Variants in KCNMA1 observed in about 807,000 individuals in gnomAD.
KCNMA1 encodes the protein potassium calcium-activated channel subfamily M alpha 1, also known as Calcium-activated potassium channel subunit alpha-1.
KCNMA1 carries 29 observed loss-of-function variants against 140.0 expected under a neutral mutation model. The observed-to-expected ratio is 0.21, with a 90% CI of 0.15 to 0.28. KCNMA1 has a LOEUF of 0.28. KCNMA1 is among the 10% of genes least tolerant of loss of function. KCNMA1 has a pLI of 1.00. For missense variants in KCNMA1, 880 were observed against 1,602.2 expected (o/e 0.55, Z 7.70); for synonymous variants, 612 against 611.9 (o/e 1.00, Z 0.00).
At chr10:77,245,090 C>A (rs2058255897) in intron 3 of KCNMA1, among the ~76,000 whole-genome samples, 1 of 150,930 alleles carries the variant, frequency 6.6e-6, no homozygotes, top group Admixed American at 6.6e-5. Flanking sequence ...AAAAAAAAAA[C>A]AGGGAGGTGC....
chr10:77,357,651 G>T (rs1391806619), intron 2 of KCNMA1, among the ~76,000 whole-genome samples: 1 of 152,182 alleles, frequency 6.6e-6, no homozygotes, highest in African/African-American at 2.4e-5. Flanking sequence ...AATTTCCCAT[G>T]AGACGCAATA....
At chr10:77,202,654 T>G (rs2042836100) in intron 3 of KCNMA1, among the ~76,000 whole-genome samples, 1 of 152,158 alleles carries the variant, frequency 6.6e-6, no homozygotes, top group South Asian at 2.1e-4. Context: ...CTGAAAAGGC[T>G]TCAAGAATGA....
intron 23 of KCNMA1, among the ~76,000 whole-genome samples, chr10:76,926,300 T>C (rs2057673166): frequency 6.6e-6 from 1 of 152,192 alleles, no homozygotes; most frequent in African/African-American, 2.4e-5. Flanking sequence ...CTCTTTCTGT[T>C]TCTAATTTGT....
intron 6 of KCNMA1, among the ~76,000 whole-genome samples, chr10:77,117,327 T>C (rs573104520): frequency 6.6e-6 from 1 of 151,868 alleles, no homozygotes; most frequent in Non-Finnish European, 1.5e-5. Flanking sequence ...AGTGGGCAGA[T>C]CACCTGAGGT....
intron 1 of KCNMA1, among the ~76,000 whole-genome samples, chr10:77,417,327 C>A (rs1313533990): frequency 7.6e-6 from 1 of 131,048 alleles, no homozygotes; most frequent in Non-Finnish European, 1.7e-5. Context: ...ACCTTTTATG[C>A]CCAAAGTGTT....
At chr10:77,477,085 C>T (rs913235070) in intron 1 of KCNMA1, among the ~76,000 whole-genome samples, 2 of 152,208 alleles carry the variant, frequency 1.3e-5, no homozygotes, top group South Asian at 2.1e-4. Flanking sequence ...AGCTGCATGA[C>T]TTGCCTCCTG....
chr10:77,227,529 T>C (rs1357824362), intron 3 of KCNMA1, among the ~76,000 whole-genome samples: 1 of 152,236 alleles, frequency 6.6e-6, no homozygotes. Context: ...AGTACTTCAT[T>C]ATTATACCAA....
At position 76,966,958 on chromosome 10, in the gene KCNMA1, C is replaced by G. The variant is rs546088698; in HGVS notation, c.2360+3016G>C. Among the ~76,000 whole-genome samples, 48 of 152,264 alleles carry G rather than the reference C, an allele frequency of 3.2e-4. No homozygotes were observed. In the South Asian group the frequency reaches 9.9e-3, roughly 32 times the overall value. The stretch of plus-strand genomic sequence containing the variant: ...AAAACAAGGCTGTTCACCTAATGAT[C>G]GTGCAGAGTTAAGTGACACTTAAAC... On this transcript the variant is annotated intron_variant, in intron 20 of 27. Coordinates refer to ENST00000286628, the MANE Select transcript of KCNMA1 (RefSeq NM_001161352.2).
At chr10:77,404,633 A>T (rs1424131418) in intron 1 of KCNMA1, among the ~76,000 whole-genome samples, 1 of 152,178 alleles carries the variant, frequency 6.6e-6, no homozygotes, top group Non-Finnish European at 1.5e-5. Context: ...AGGAGGGAGG[A>T]GGAAAGTGTG....
intron 2 of KCNMA1, among the ~76,000 whole-genome samples, chr10:77,293,142 G>A (rs1282512607): frequency 6.6e-6 from 1 of 152,168 alleles, no homozygotes; most frequent in Non-Finnish European, 1.5e-5. Flanking sequence ...TCTGAGCAAT[G>A]GGGGATGTGT....
At chr10:76,974,979 G>A (rs1376505207) in intron 19 of KCNMA1, among the ~76,000 whole-genome samples, 2 of 152,178 alleles carry the variant, frequency 1.3e-5, no homozygotes. Flanking sequence ...AATCCTTGGT[G>A]ATAAACTTTT....
At chr10:76,903,269 T>C (rs534507426) in intron 25 of KCNMA1, 2 of 152,386 alleles carry the variant, frequency 1.3e-5, no homozygotes, top group Admixed American at 1.3e-4. Context: ...ATTGGTCTTT[T>C]ATAGAAAATT....
chr10:77,329,017 T>C (rs979990767), intron 2 of KCNMA1, among the ~76,000 whole-genome samples: 3 of 152,038 alleles, frequency 2.0e-5, no homozygotes, highest in African/African-American at 7.2e-5. Flanking sequence ...ATTTTTTGTA[T>C]TTTTAGTATG....
At chr10:77,267,027 G>A (rs1392125672) in intron 2 of KCNMA1, among the ~76,000 whole-genome samples, 1 of 152,128 alleles carries the variant, frequency 6.6e-6, no homozygotes, top group Non-Finnish European at 1.5e-5. Context: ...TGAATTAGGA[G>A]GACTCTCCAG....
At chr10:77,416,264 G>A (rs923538429) in intron 1 of KCNMA1, among the ~76,000 whole-genome samples, 2 of 152,158 alleles carry the variant, frequency 1.3e-5, no homozygotes, top group Admixed American at 6.5e-5. Context: ...AGGGATGGAG[G>A]CATGGTCTCT....
chr10:77,240,205 T>C (rs551944027), intron 3 of KCNMA1, among the ~76,000 whole-genome samples: 1 of 152,338 alleles, frequency 6.6e-6, no homozygotes, highest in African/African-American at 2.4e-5. Flanking sequence ...CTTGCAGTTC[T>C]TAAACAAACA....
chr10:76,974,510 T>A, intron 19 of KCNMA1: 1 of 1,549,400 alleles, frequency 6.5e-7, no homozygotes, highest in South Asian at 1.2e-5. Flanking sequence ...AAGCCGAGAA[T>A]TGGGAGTCTC....
chr10:76,914,401 G>T (rs778135672), intron 24 of KCNMA1: 15 of 516,166 alleles, frequency 2.9e-5, no homozygotes, highest in African/African-American at 2.8e-4. Flanking sequence ...TTGGGGGCCA[G>T]AATGGCATTT....
chr10:77,493,060 T>TTA, intron 1 of KCNMA1, among the ~76,000 whole-genome samples: 2 of 152,360 alleles, frequency 1.3e-5, no homozygotes, highest in South Asian at 4.1e-4. Flanking sequence ...CTGCTGGTTG[T>TTA]CTTGACTCTC....
Sources: gnomAD v4.1 joint callset for allele counts (sites outside exome capture counted in the v4.1 genomes callset) on GRCh38, gnomAD v4.1.1 for gene constraint, MANE v1.5 for transcripts, NCBI Gene and HGNC (gene_info 2026-07-23, HGNC 2026-07-21) for gene names.